COL25A1: variants seen among roughly 807,000 people sequenced by gnomAD.
COL25A1 encodes the protein collagen alpha-1(XXV) chain.
Under a neutral mutation model 128.4 loss-of-function variants are expected in COL25A1, and 103 were observed. The observed-to-expected ratio is 0.80, with a 90% CI of 0.68 to 0.94. The LOEUF is 0.94. Among genes scored for constraint, COL25A1 ranks in the 40% least tolerant of loss-of-function variants. The probability of loss-of-function intolerance (pLI) is 0.00; values close to 1 mark genes in which losing one functional copy is unlikely to be tolerated. For synonymous variants in COL25A1, 279 were observed against 277.2 expected (o/e 1.01, Z -0.06); for missense variants, 745 against 840.0 (o/e 0.89, Z 1.40).
chr4:108,962,030 C>T (rs1011108253), intron 8 of COL25A1, among the ~76,000 whole-genome samples: 2 of 152,156 alleles, frequency 1.3e-5, no homozygotes, highest in African/African-American at 4.8e-5. Context: ...ACAGGAATTA[C>T]CACCTGTTGT....
chr4:109,288,351 A>G (rs934572900), intron 3 of COL25A1, among the ~76,000 whole-genome samples: 4 of 152,288 alleles, frequency 2.6e-5, no homozygotes, highest in Non-Finnish European at 5.9e-5. Flanking sequence ...CTCTGTTGCT[A>G]AATACACACA....
At chr4:108,886,889 T>C (rs1392938093) in intron 18 of COL25A1, among the ~76,000 whole-genome samples, 2 of 151,970 alleles carry the variant, frequency 1.3e-5, no homozygotes, top group African/African-American at 4.8e-5. Context: ...CCTGCTAGAG[T>C]GCCCTAAATA....
intron 3 of COL25A1, among the ~76,000 whole-genome samples, chr4:109,128,549 C>T (rs1006361829): frequency 6.6e-6 from 1 of 152,028 alleles, no homozygotes; most frequent in Non-Finnish European, 1.5e-5. Flanking sequence ...TTTACTCCTG[C>T]CTTTAAAAAC....
At chr4:109,105,033 T>C (rs1422793393) in intron 3 of COL25A1, among the ~76,000 whole-genome samples, 2 of 152,204 alleles carry the variant, frequency 1.3e-5, no homozygotes, top group Non-Finnish European at 2.9e-5. Context: ...CTACCTTGGA[T>C]TGTCTTCAAG....
In COL25A1 at chr4:109,010,359, T is replaced by A. The variant is rs948656656; in HGVS notation, c.437A>T (p.Gln146Leu). 6 of 1,580,936 alleles carry A rather than the reference T, an allele frequency of 3.8e-6. No homozygotes were observed. Among genetic ancestry groups the A allele is most frequent in the Non-Finnish European group, 5.1e-6 (6 of 1,167,386 alleles). The change falls in exon 6 of 38, where the codon CAG becomes CTG. Residue 146 changes from glutamine to leucine, a missense_variant and splice_region_variant. Gln to Leu is a moderately radical substitution (Grantham distance 113). Coordinates refer to ENST00000399132, the MANE Select transcript of COL25A1 (RefSeq NM_198721.4). ...TTTGCTAGAAAAGAATTACCTTACC[T>A]GAGGACCAGGCTGTCCCTGAAATTA... ...ESGPPGQPGP[Q>L]GPPGPKGDKG...
Position 109,050,135 on chromosome 4 carries a change from C to A in COL25A1, c.412G>T (p.Gly138Cys), listed in dbSNP as rs1333177276. ...RGKRGRRGES[G>C]PPGQPGPQGP... ...CAGAGCAGCTGAAAGAGAGACTTAC[C>A]AGATTCTCCTCTTCGGCCTCTCTTA... Residue 138 changes from glycine to cysteine, a missense_variant and splice_region_variant, in exon 4 of 38, where the codon GGT becomes TGT. Coordinates refer to ENST00000399132, the MANE Select transcript of COL25A1 (RefSeq NM_198721.4). 2 of 1,608,898 alleles carry A rather than the reference C, an allele frequency of 1.2e-6. No individual in the cohort carries two copies. The highest frequency in any genetic ancestry group is 1.7e-5 in the Admixed American group (1 of 59,794).
At chr4:108,930,589 A>C (rs1746620262) in intron 11 of COL25A1, among the ~76,000 whole-genome samples, 1 of 152,236 alleles carries the variant, frequency 6.6e-6, no homozygotes, top group South Asian at 2.1e-4. Context: ...TTATAAAGTT[A>C]GAGGCTGAGT....
intron 3 of COL25A1, among the ~76,000 whole-genome samples, chr4:109,275,803 T>C (rs1722783505): frequency 6.6e-6 from 1 of 152,168 alleles, no homozygotes; most frequent in South Asian, 2.1e-4. Flanking sequence ...CTTGGTAAGG[T>C]TGTTGAATTG....
chr4:109,252,856 A>T (rs979191757), intron 3 of COL25A1, among the ~76,000 whole-genome samples: 2 of 152,174 alleles, frequency 1.3e-5, no homozygotes, highest in African/African-American at 4.8e-5. Flanking sequence ...CCACTTTCAC[A>T]TGGTGCCTGT....
chr4:109,103,892 G>T (rs1766147575), intron 3 of COL25A1, among the ~76,000 whole-genome samples: 1 of 152,112 alleles, frequency 6.6e-6, no homozygotes, highest in African/African-American at 2.4e-5. Context: ...TTTTTTGGAA[G>T]ATGCCAGAAA....
intron 3 of COL25A1, among the ~76,000 whole-genome samples, chr4:109,253,105 T>C (rs185889732): frequency 9.1e-4 from 139 of 152,292 alleles, no homozygotes; most frequent in African/African-American, 2.9e-3. Context: ...AGAAACCCCA[T>C]AACCAATTCA....
chr4:109,187,893 C>A (rs1254679726), intron 3 of COL25A1, among the ~76,000 whole-genome samples: 2 of 152,098 alleles, frequency 1.3e-5, no homozygotes, highest in Admixed American at 1.3e-4. Flanking sequence ...CCTCATTCTT[C>A]CTACTTAAAA....
intron 3 of COL25A1, among the ~76,000 whole-genome samples, chr4:109,195,594 A>G (rs952857493): frequency 4.6e-5 from 7 of 152,210 alleles, no homozygotes; most frequent in Admixed American, 3.9e-4. Context: ...CAAGTTGAAC[A>G]TGAGTCAACT....
intron 6 of COL25A1, among the ~76,000 whole-genome samples, chr4:108,991,433 T>G (rs766007462): frequency 6.6e-6 from 1 of 152,058 alleles, no homozygotes; most frequent in Non-Finnish European, 1.5e-5. Flanking sequence ...CTATCTGGAG[T>G]ACAATGGAGT....
At chr4:109,231,086 C>T (rs1182532391) in intron 3 of COL25A1, among the ~76,000 whole-genome samples, 1 of 151,992 alleles carries the variant, frequency 6.6e-6, no homozygotes, top group Non-Finnish European at 1.5e-5. Context: ...TTGCAGTGAA[C>T]CGAGATAGAG....
At chr4:109,055,836 GCAC>G (rs1560607526) in intron 3 of COL25A1, among the ~76,000 whole-genome samples, 2 of 152,064 alleles carry the variant, frequency 1.3e-5, no homozygotes, top group African/African-American at 2.4e-5. Flanking sequence ...AATTACTTTT[GCAC>G]CAACCTAATA....
At chr4:108,974,206 T>G (rs1457171526) in intron 8 of COL25A1, among the ~76,000 whole-genome samples, 161 bp downstream of exon 8, 2 of 152,212 alleles carry the variant, frequency 1.3e-5, no homozygotes, top group African/African-American at 4.8e-5. Flanking sequence ...TACATCCAAA[T>G]CGTTAATCAG....
chr4:109,183,068 T>C (rs1420766276), intron 3 of COL25A1, among the ~76,000 whole-genome samples: 2 of 152,152 alleles, frequency 1.3e-5, no homozygotes, highest in South Asian at 2.1e-4. Flanking sequence ...CTAGTTACTT[T>C]AGTTACATGC....
intron 3 of COL25A1, among the ~76,000 whole-genome samples, chr4:109,157,164 G>A (rs1772116373): frequency 6.6e-6 from 1 of 152,160 alleles, no homozygotes; most frequent in South Asian, 2.1e-4. Flanking sequence ...TGAAGGAAGA[G>A]AAGAACTGTG....
Sources: allele counts gnomAD v4.1 joint callset (sites outside exome capture counted in the v4.1 genomes callset), GRCh38; gene constraint gnomAD v4.1.1; transcripts MANE v1.5; gene names NCBI Gene and HGNC (gene_info 2026-07-23, HGNC 2026-07-21).